The following TNRC18 variants were observed in gnomAD, a reference collection of about 807,000 sequenced individuals.
TNRC18 encodes the protein trinucleotide repeat containing 18.
In TNRC18, 69 loss-of-function variants were observed where a neutral mutation model predicts 226.7. The observed-to-expected ratio is 0.30, with a 90% CI of 0.25 to 0.37. The LOEUF is 0.37. Ranked by LOEUF, TNRC18 falls within the 10% of genes least tolerant of loss-of-function variation. The probability of loss-of-function intolerance (pLI) is 1.00; values close to 1 mark genes in which losing one functional copy is unlikely to be tolerated. For synonymous variants in TNRC18, 2,449 were observed against 1,927.6 expected, an observed-to-expected ratio of 1.27 and a Z score of -7.09; for missense variants, 4,754 against 4,256.6, an observed-to-expected ratio of 1.12 and a Z score of -3.25.
intron 18 of TNRC18, among the ~76,000 whole-genome samples, chr7:5,336,183 G>A (rs1790099746): frequency 6.6e-6 from 1 of 151,188 alleles, no homozygotes. Flanking sequence ...CTCCAGCCTG[G>A]GCAACAGAGC....
chr7:5,362,842 G>C lies in TNRC18; in HGVS notation c.4220-17C>G. The C allele has an allele frequency of 2.0e-6, 3 of 1,495,782 alleles. No homozygotes were observed. The highest frequency in any genetic ancestry group is 2.7e-6 in the Non-Finnish European group (3 of 1,122,612). 92.7% of individuals were successfully genotyped at this position (1,495,782 alleles called of 1,614,324 possible). A position where few individuals can be genotyped will look rare whatever the true frequency, so the allele number is the denominator to read the frequency against. Reference sequence around the variant, plus strand: ...GCTCCGCACCTGTGGACAGGAGGTAGGTAACAGGGCGCTGCTGCCACCCCT... The same window carrying C: ...GCTCCGCACCTGTGGACAGGAGGTACGTAACAGGGCGCTGCTGCCACCCCT... On this transcript the variant is annotated splice_polypyrimidine_tract_variant and intron_variant, in intron 11 of 29. Transcript: ENST00000430969.
chr7:5,360,220 T>C (rs994872852), intron 14 of TNRC18, among the ~76,000 whole-genome samples: 14 of 151,296 alleles, frequency 9.3e-5, no homozygotes, highest in Non-Finnish European at 1.9e-4. Context: ...TATTTATTTA[T>C]TTATTTATTT....
rs10628315 is a variant in TNRC18, at chr7:5,329,682, C to CAAAA, written c.6147+2936_6147+2939dup. 6.9e-3 allele frequency among the ~76,000 whole-genome samples: 314 copies of CAAAA among 45,530 alleles called. 29 individuals are homozygous for CAAAA. The highest frequency in any genetic ancestry group is 0.011 in the African/African-American group (116 of 10,676). 29.9% of individuals were successfully genotyped at this position (45,530 alleles called of 152,430 possible). A position where few individuals can be genotyped will look rare whatever the true frequency, so the allele number is the denominator to read the frequency against. On this transcript the variant is annotated intron_variant, in intron 19 of 29. Coordinates refer to ENST00000430969, the MANE Select transcript of TNRC18 (RefSeq NM_001080495.3). ...TGGGCGACACAGTGAGACTCCGTCT[C>CAAAA]AAAAAAAAAAAAAAAAAAAAAAAAA...
At chr7:5,400,638 C>T (rs1362716704) in intron 2 of TNRC18, among the ~76,000 whole-genome samples, 1 of 151,956 alleles carries the variant, frequency 6.6e-6, no homozygotes, top group African/African-American at 2.4e-5. Context: ...AATTTTGAAA[C>T]CATAGATAGC....
In TNRC18 at chr7:5,312,866, C is replaced by T; in HGVS notation, c.8025G>A (p.Glu2675=). 6.5e-7 allele frequency: 1 copy of T among 1,527,672 alleles called. No homozygotes were observed. The highest frequency in any genetic ancestry group is 1.3e-5 in the South Asian group (1 of 76,942). 94.6% of individuals were successfully genotyped at this position (1,527,672 alleles called of 1,614,324 possible). ...SSSSSSSTTD[E]DSSCSSDDEA... ...CATCGTCCGAGCTGCAGGAAGAGTC[C>T]TCGTCTGTGGTGGAGGAAGAAGAGG... is the stretch of plus-strand genomic sequence containing the variant. The change falls in exon 27 of 30, where the codon GAG becomes GAA. Residue 2675 remains glutamate (E), a synonymous_variant. Transcript: ENST00000430969. This position sits in a 1 kb window ranked among gnomAD's most constrained non-coding sequence, Gnocchi z 6.3.
chr7:5,385,814 A>G (rs1779732798), intron 5 of TNRC18, among the ~76,000 whole-genome samples: 1 of 150,938 alleles, frequency 6.6e-6, no homozygotes, highest in Non-Finnish European at 1.5e-5. Context: ...TCTCTACTAA[A>G]GAAAAACAAA....
intron 18 of TNRC18, among the ~76,000 whole-genome samples, chr7:5,344,459 G>T (rs1434370720): frequency 1.3e-5 from 2 of 152,190 alleles, no homozygotes; most frequent in African/African-American, 4.8e-5. Flanking sequence ...CAATGGCAGG[G>T]CATGAGAGCG....
rs1780513899 is a variant in TNRC18, at chr7:5,394,406, C to T, written c.343+34G>A. On this transcript the variant is annotated intron_variant, in intron 3 of 29. Coordinates refer to ENST00000430969, the MANE Select transcript of TNRC18 (RefSeq NM_001080495.3). This position sits in a 1 kb window ranked among gnomAD's most constrained non-coding sequence, Gnocchi z 4.5. The stretch of plus-strand genomic sequence containing the variant: ...CAGAGTGGCTGGGACGTCAGCCCAG[C>T]AGCCCTCAGCCCCGACCCCGGCATG... 2 of 1,485,862 alleles carry T rather than the reference C, an allele frequency of 1.3e-6. No homozygotes were observed. The highest frequency in any genetic ancestry group is 1.8e-6 in the Non-Finnish European group (2 of 1,117,648). The allele number at this position is 1,485,862 out of a possible 1,614,324, so 92.0% of individuals were successfully genotyped here.
chr7:5,364,769 A>C, intron 11 of TNRC18, among the ~76,000 whole-genome samples: 1 of 142,348 alleles, frequency 7.0e-6, no homozygotes, highest in South Asian at 2.2e-4. Context: ...GCCCCACTGT[A>C]CCCCAGCCTG....
intron 5 of TNRC18, among the ~76,000 whole-genome samples, chr7:5,380,707 T>G (rs76044100): frequency 0.023 from 3,571 of 152,284 alleles, 142 homozygotes; most frequent in African/African-American, 0.083. Context: ...CAAGGGGCCC[T>G]GCCTGTGGAC....
At chr7:5,413,798 G>T (rs1044344996) in intron 2 of TNRC18, among the ~76,000 whole-genome samples, 2 of 152,220 alleles carry the variant, frequency 1.3e-5, no homozygotes, top group African/African-American at 4.8e-5. Flanking sequence ...CTCCCAAAGT[G>T]GTGGGATTAC....
chr7:5,401,354 C>T lies in TNRC18; in HGVS notation c.188-6759G>A, dbSNP rs115632637. 6.2e-3 allele frequency among the ~76,000 whole-genome samples: 942 copies of T among 152,242 alleles called. 9 individuals carry two copies. Among genetic ancestry groups the T allele is most frequent in the African/African-American group, 0.022 (894 of 41,542 alleles). ...GTAGCTCCGGCCCACCTCTGCCCCT[C>T]GCCCTGAATCAGGTCCTCCCTCCAG... On this transcript the variant is annotated intron_variant, in intron 2 of 29. Transcript: ENST00000430969.
intron 3 of TNRC18, among the ~76,000 whole-genome samples, chr7:5,393,162 A>G (rs1315154969): frequency 6.6e-6 from 1 of 152,168 alleles, no homozygotes; most frequent in East Asian, 1.9e-4. Context: ...AGGGACAGAG[A>G]GGTAGTGAGC....
At position 5,312,355 on chromosome 7, in the gene TNRC18, G is replaced by A. The variant is rs1787315160; in HGVS notation, c.8388+148C>T. The A allele has an allele frequency of 3.4e-6, 4 of 1,171,890 alleles. No homozygotes were observed. Among genetic ancestry groups the A allele is most frequent in the Non-Finnish European group, 4.7e-6 (4 of 858,744 alleles). 72.6% of individuals were successfully genotyped at this position (1,171,890 alleles called of 1,614,324 possible). A position where few individuals can be genotyped will look rare whatever the true frequency, so the allele number is the denominator to read the frequency against. On this transcript the variant is annotated intron_variant, in intron 27 of 29. Transcript: ENST00000430969. This position sits in a 1 kb window ranked among gnomAD's most constrained non-coding sequence, Gnocchi z 6.3. Reference sequence around the variant, plus strand: ...GCCTGAGGACACTCTGAGACTCAGTGTACCCATCCATAAAGTGGGACGCCA... The same window carrying A: ...GCCTGAGGACACTCTGAGACTCAGTATACCCATCCATAAAGTGGGACGCCA...
At chr7:5,310,224 GTTA>G (rs1023452341) in intron 27 of TNRC18, among the ~76,000 whole-genome samples, 3 of 151,752 alleles carry the variant, frequency 2.0e-5, no homozygotes, top group South Asian at 2.1e-4. Flanking sequence ...TTAAAAAATA[GTTA>G]TTATTATTAT....
chr7:5,407,863 T>C (rs1218608893), intron 2 of TNRC18, among the ~76,000 whole-genome samples: 1 of 152,134 alleles, frequency 6.6e-6, no homozygotes, highest in East Asian at 1.9e-4. Flanking sequence ...GAGGGCCTTC[T>C]AGGAACTGCT....
chr7:5,339,538 C>A (rs940971591), intron 18 of TNRC18, among the ~76,000 whole-genome samples: 2 of 124,028 alleles, frequency 1.6e-5, no homozygotes, highest in Admixed American at 8.7e-5. Flanking sequence ...TCGTGCCCAG[C>A]CAATGTGTGT....
chr7:5,329,003 A>G (rs1789229362), intron 19 of TNRC18, among the ~76,000 whole-genome samples: 1 of 152,118 alleles, frequency 6.6e-6, no homozygotes, highest in South Asian at 2.1e-4. Flanking sequence ...AATAAATACA[A>G]TAAAAATATT....
At position 5,307,537 on chromosome 7, in the gene TNRC18, C is replaced by A. The variant is rs572393467; in HGVS notation, c.*569G>T. 4 of 449,882 alleles carry A rather than the reference C, an allele frequency of 8.9e-6. No individual in the cohort carries two copies. Among genetic ancestry groups the A allele is most frequent in the Admixed American group, 2.4e-5 (1 of 42,068 alleles). 27.9% of individuals were successfully genotyped at this position (449,882 alleles called of 1,614,324 possible). On this transcript the variant is annotated 3_prime_UTR_variant, in exon 30 of 30. Transcript: ENST00000430969. ...AGACACTCCGGGCTGCAACCCCACCCGGCTCTGTTCCCCAAGTCTAGGCCA... is the reference window on the plus strand; with the variant it reads ...AGACACTCCGGGCTGCAACCCCACCAGGCTCTGTTCCCCAAGTCTAGGCCA...
Sources: gnomAD v4.1 joint callset for allele counts (sites outside exome capture counted in the v4.1 genomes callset) on GRCh38, gnomAD v4.1.1 for gene constraint, Gnocchi (gnomAD v3.1) non-coding constraint, MANE v1.5 for transcripts, NCBI Gene and HGNC (gene_info 2026-07-23, HGNC 2026-07-21) for gene names.